The following KIF21A variants were observed in gnomAD, a reference collection of about 807,000 sequenced individuals.
KIF21A encodes the protein kinesin-like protein KIF21A.
Under a neutral mutation model 202.9 loss-of-function variants are expected in KIF21A, and 114 were observed. That is an observed-to-expected ratio of 0.56 (90% CI 0.48 to 0.66). The LOEUF (loss-of-function observed/expected upper bound fraction) is 0.66. Among genes scored for constraint, KIF21A ranks in the 30% least tolerant of loss-of-function variants. KIF21A has a pLI of 0.00. For synonymous variants in KIF21A, 667 were observed against 670.8 expected, an observed-to-expected ratio of 0.99 and a Z score of 0.09; for missense variants, 1,677 against 1,994.9, an observed-to-expected ratio of 0.84 and a Z score of 3.04.
In KIF21A at chr12:39,436,448, ATTTTTT is replaced by A. The variant is rs1160949360; in HGVS notation, c.44+6473_44+6478del. 1.4e-4 allele frequency among the ~76,000 whole-genome samples: 13 copies of A among 95,764 alleles called. 1 individual carries two copies. In the East Asian group the frequency reaches 2.9e-3, roughly 21 times the overall value. The allele number at this position is 95,764 out of a possible 152,430, so 62.8% of individuals were successfully genotyped here. On this transcript the variant is annotated intron_variant, in intron 1 of 37. Coordinates refer to ENST00000361418, the MANE Select transcript of KIF21A (RefSeq NM_001173464.2). Reference sequence around the variant, plus strand: ...TATATATATATATATATATATATATATTTTTTTTTTTTTTAGACAGGGTTTCATGTT... The same window carrying A: ...TATATATATATATATATATATATATATTTTTTTTAGACAGGGTTTCATGTT...
At chr12:39,295,201 G>A (rs1444280911) in intron 37 of KIF21A, among the ~76,000 whole-genome samples, 1 of 152,126 alleles carries the variant, frequency 6.6e-6, no homozygotes, top group African/African-American at 2.4e-5. Flanking sequence ...CACAGTTATT[G>A]TTCATTGAAA....
chr12:39,354,380 G>A (rs1948617474), intron 10 of KIF21A, among the ~76,000 whole-genome samples: 1 of 151,952 alleles, frequency 6.6e-6, no homozygotes, highest in South Asian at 2.1e-4. Flanking sequence ...AGTATTCATT[G>A]GAAAAATATT....
intron 1 of KIF21A, among the ~76,000 whole-genome samples, chr12:39,379,593 G>A (rs755677225): frequency 6.6e-6 from 1 of 152,146 alleles, no homozygotes; most frequent in African/African-American, 2.4e-5. Context: ...TCAAAAATGG[G>A]CTCCCTTGCC....
chr12:39,442,908 G>A lies in KIF21A; in HGVS notation c.44+19C>T. The A allele has an allele frequency of 1.3e-6, 2 of 1,523,602 alleles. No homozygotes were observed. The highest frequency in any genetic ancestry group is 1.8e-6 in the Non-Finnish European group (2 of 1,142,280). The allele number at this position is 1,523,602 out of a possible 1,614,324, so 94.4% of individuals were successfully genotyped here. On this transcript the variant is annotated intron_variant, in intron 1 of 37. Coordinates refer to ENST00000361418, the MANE Select transcript of KIF21A (RefSeq NM_001173464.2). The surrounding 1 kb of genome is among the most constrained non-coding windows in gnomAD (Gnocchi z 5.0). ...CTCAACCCGCCGCCCGCCGCCCGCC[G>A]CCGGCAGACTGTCCTCACCTGACAG...
intron 7 of KIF21A, among the ~76,000 whole-genome samples, chr12:39,361,313 A>G (rs1949189452): frequency 6.6e-6 from 1 of 152,152 alleles, no homozygotes; most frequent in East Asian, 1.9e-4. Flanking sequence ...AAAAATGAAA[A>G]TTTTTATTCT....
chr12:39,309,584 AC>A lies in KIF21A; in HGVS notation c.4277+1del. 6.2e-7 allele frequency: 1 copy of A among 1,605,526 alleles called. No homozygotes were observed. The highest frequency in any genetic ancestry group is 8.5e-7 in the Non-Finnish European group (1 of 1,175,186). ...TATGCTATATGTCTTCAAGTTACTT[AC>A]GTTAGTGTTCGAATGCACTTTGCTG... On this transcript the variant is annotated splice_donor_variant, in intron 33 of 37. Coordinates refer to ENST00000361418, the MANE Select transcript of KIF21A (RefSeq NM_001173464.2). LOFTEE classifies it high-confidence loss of function.
chr12:39,305,851 G>C (rs947335161), intron 34 of KIF21A, among the ~76,000 whole-genome samples: 1 of 152,100 alleles, frequency 6.6e-6, no homozygotes, highest in African/African-American at 2.4e-5. Flanking sequence ...TACTGAGAAA[G>C]TAAAATTATT....
chr12:39,328,115 G>A (rs116322955), intron 24 of KIF21A, among the ~76,000 whole-genome samples: 1 of 152,282 alleles, frequency 6.6e-6, no homozygotes, highest in African/African-American at 2.4e-5. Context: ...GACTTTGGCT[G>A]ACATCTAAAA....
At chr12:39,310,934 A>C (rs147406979) in intron 32 of KIF21A, among the ~76,000 whole-genome samples, 23 of 152,116 alleles carry the variant, frequency 1.5e-4, no homozygotes, top group Non-Finnish European at 2.5e-4. Context: ...GTATTTATTC[A>C]CTTGAATCCT....
intron 1 of KIF21A, among the ~76,000 whole-genome samples, chr12:39,427,170 A>G (rs1360940161): frequency 6.6e-6 from 1 of 152,180 alleles, no homozygotes; most frequent in Non-Finnish European, 1.5e-5. Context: ...TAATAAACGG[A>G]ACTGAACTAA....
intron 23 of KIF21A, 22 bp downstream of exon 23, chr12:39,330,724 A>G (rs944022235): frequency 6.2e-7 from 1 of 1,612,788 alleles, no homozygotes. Context: ...AATTCATTCA[A>G]CTAAAATTGA....
chr12:39,309,620 T>C lies in KIF21A; in HGVS notation c.4243A>G (p.Ile1415Val). The change falls in exon 33 of 38, where the codon ATC becomes GTC. Residue 1415 changes from isoleucine to valine, a missense_variant. By Grantham distance (29) the Ile-to-Val change is conservative (BLOSUM62 3). This residue lies in a region of KIF21A where 705 missense variants were observed against 791.9 expected (regional missense o/e 0.89). Transcript: ENST00000361418. Reference sequence around the variant, plus strand: ...CGAATGCACTTTGCTGAATCTCTGATATCCCACACCTTAATATAAGATGTT... The same window carrying C: ...CGAATGCACTTTGCTGAATCTCTGACATCCCACACCTTAATATAAGATGTT... The part of the protein sequence containing the change: ...VSTSYIKVWD[I>V]RDSAKCIRTL... 4 of 1,612,902 alleles carry C rather than the reference T, an allele frequency of 2.5e-6. No homozygotes were observed. In the South Asian group the frequency reaches 4.4e-5, roughly 18 times the overall value.
intron 27 of KIF21A, 120 bp downstream of exon 27, chr12:39,322,548 C>T (rs891353104): frequency 5.3e-5 from 40 of 759,452 alleles, no homozygotes; most frequent in African/African-American, 3.2e-4. Flanking sequence ...CAAATTATTT[C>T]GAAAACCAGA....
At chr12:39,436,396 G>A (rs570279992) in intron 1 of KIF21A, among the ~76,000 whole-genome samples, 4 of 130,784 alleles carry the variant, frequency 3.1e-5, no homozygotes, top group African/African-American at 8.9e-5. Context: ...AATCTATCTC[G>A]TCAATAATTA....
At chr12:39,426,542 G>A (rs1246513021) in intron 1 of KIF21A, among the ~76,000 whole-genome samples, 1 of 152,096 alleles carries the variant, frequency 6.6e-6, no homozygotes, top group Non-Finnish European at 1.5e-5. Context: ...GATGTCATGG[G>A]ACTTATATCA....
intron 1 of KIF21A, among the ~76,000 whole-genome samples, chr12:39,427,318 G>A (rs1466183673): frequency 6.6e-6 from 1 of 152,176 alleles, no homozygotes; most frequent in East Asian, 1.9e-4. Context: ...CAATGAACTT[G>A]GAGCAATAGC....
At position 39,367,958 on chromosome 12, in the gene KIF21A, T is replaced by C; in HGVS notation, c.525A>G (p.Ile175Met). The part of the protein sequence containing the change: ...DIDAKSKKSN[I>M]RIHEDSTGGI... The stretch of plus-strand genomic sequence containing the variant: ...CTCCAGTTGAATCTTCATGAATTCT[T>C]ATATTTGATTTTTTACTTTTTGCAT... Residue 175 changes from isoleucine to methionine, a missense_variant, in exon 4 of 38, where the codon ATA (isoleucine) becomes ATG (methionine). By Grantham distance (10) the Ile-to-Met change is conservative. This residue lies in a region of KIF21A where 966 missense variants were observed against 1,180.9 expected (regional missense o/e 0.82). Transcript: ENST00000361418. 6.2e-7 allele frequency: 1 copy of C among 1,607,386 alleles called. No individual in the cohort carries two copies. Among genetic ancestry groups the C allele is most frequent in the Non-Finnish European group, 8.5e-7 (1 of 1,174,242 alleles).
chr12:39,294,896 CTT>C (rs1421084088), intron 37 of KIF21A, among the ~76,000 whole-genome samples: 1 of 152,200 alleles, frequency 6.6e-6, no homozygotes, highest in Non-Finnish European at 1.5e-5. Context: ...AGCCCTATCT[CTT>C]TAACACTGGG....
chr12:39,389,376 C>T (rs1951185310), intron 1 of KIF21A, among the ~76,000 whole-genome samples: 2 of 152,096 alleles, frequency 1.3e-5, no homozygotes, highest in African/African-American at 4.8e-5. Flanking sequence ...CAATAAAGGG[C>T]AATATGGAAT....
Sources: gnomAD v4.1 joint callset for allele counts (sites outside exome capture counted in the v4.1 genomes callset) on GRCh38, gnomAD v4.1.1 for gene constraint, gnomAD v4.1.1 regional missense constraint, Gnocchi (gnomAD v3.1) non-coding constraint, MANE v1.5 for transcripts, NCBI Gene and HGNC (gene_info 2026-07-23, HGNC 2026-07-21) for gene names.